Variants in HDAC4 observed in about 807,000 individuals in gnomAD.
HDAC4 encodes histone deacetylase A.
A neutral mutation model predicts 135.1 loss-of-function variants in HDAC4; 16 were observed. That is an observed-to-expected ratio of 0.12 (90% confidence interval 0.08 to 0.18). HDAC4 has a LOEUF of 0.18. Among genes scored for constraint, HDAC4 ranks in the 10% least tolerant of loss-of-function variants. HDAC4 has a pLI of 1.00. For missense variants in HDAC4, 1,143 were observed against 1,511.8 expected (o/e 0.76, Z 4.05); for synonymous variants, 685 against 653.4 (o/e 1.05, Z -0.74).
chr2:239,159,918 A>T (rs551791879), intron 6 of HDAC4, among the ~76,000 whole-genome samples: 1 of 152,402 alleles, frequency 6.6e-6, no homozygotes, highest in South Asian at 2.1e-4. Flanking sequence ...ACCTAAAGGC[A>T]AACCTTGTCT....
intron 12 of HDAC4, among the ~76,000 whole-genome samples, chr2:239,119,197 G>A (rs538308650): frequency 2.6e-5 from 4 of 152,302 alleles, no homozygotes; most frequent in Admixed American, 6.5e-5. Context: ...TCTTGAGAGC[G>A]GGGCCCTTAT....
Position 239,163,847 on chromosome 2 carries a change from C to T in HDAC4, c.567G>A (p.Arg189=), listed in dbSNP as rs141942329. The T allele has an allele frequency of 7.1e-4, 1,148 of 1,614,180 alleles. 3 individuals are homozygous for T. Among genetic ancestry groups the T allele is most frequent in the Non-Finnish European group, 8.2e-4 (968 of 1,180,024 alleles). ...VLNKKKALAH[R]NLNHCISSDP... ...CGCTGGAAATGCAGTGGTTCAGATT[C>T]CGGTGGGCCAGCGCCTTCTTTTTAT... Residue 189 remains arginine, a synonymous_variant, in exon 6 of 27, where the codon CGG becomes CGA. Coordinates refer to ENST00000543185, the MANE Select transcript of HDAC4 (RefSeq NM_001378414.1).
chr2:239,401,319 G>A (rs1327188474), upstream of HDAC4: 1 of 152,540 alleles, frequency 6.6e-6, no homozygotes, highest in African/African-American at 2.4e-5. Context: ...GCGGCAGAGA[G>A]GCTCCACCCC....
In HDAC4 at chr2:239,387,697, G is replaced by A. The variant is rs757447788; in HGVS notation, c.-220+13281C>T. On this transcript the variant is annotated intron_variant, in intron 1 of 26. Transcript: ENST00000543185. Reference sequence around the variant, plus strand: ...GTGGAGAAGAAAACCGAGGCTTAGAGCGGTTGGGTCAATGGCACCAGAGCA... The same window carrying A: ...GTGGAGAAGAAAACCGAGGCTTAGAACGGTTGGGTCAATGGCACCAGAGCA... 6.6e-5 allele frequency among the ~76,000 whole-genome samples: 10 copies of A among 152,366 alleles called. No individual in the cohort carries two copies. In the East Asian group the frequency reaches 1.7e-3, roughly 26 times the overall value.
At position 239,082,179 on chromosome 2, in the gene HDAC4, C is replaced by G; in HGVS notation, c.2575G>C (p.Asp859His). The change falls in exon 21 of 27, where the codon GAC becomes CAC. Residue 859 changes from aspartate (D) to histidine (H), a missense_variant. By Grantham distance (81) the Asp-to-His change is moderately conservative. Coordinates refer to ENST00000543185, the MANE Select transcript of HDAC4 (RefSeq NM_001378414.1). ...AGGGACATGTACAGGACGCTGGGGT[C>G]GCTGTAGAAAGCCTGCTGGGTCCCG... ...GNGTQQAFYS[D>H]PSVLYMSLHR... is the part of the protein sequence containing the mutation. 6.2e-7 allele frequency: 1 copy of G among 1,614,142 alleles called. No homozygotes were observed. Among genetic ancestry groups the G allele is most frequent in the Non-Finnish European group, 8.5e-7 (1 of 1,179,992 alleles).
intron 3 of HDAC4, among the ~76,000 whole-genome samples, chr2:239,230,096 C>T (rs1015014300): frequency 1.3e-5 from 2 of 152,046 alleles, no homozygotes; most frequent in Non-Finnish European, 2.9e-5. Flanking sequence ...TTTTATCAGT[C>T]GTGAGATCGC....
intron 2 of HDAC4, among the ~76,000 whole-genome samples, chr2:239,237,873 C>T (rs890446468): frequency 6.6e-6 from 1 of 152,208 alleles, no homozygotes; most frequent in Non-Finnish European, 1.5e-5. Flanking sequence ...CAACCAGCAG[C>T]TCCTCCCAAG....
intron 4 of HDAC4, among the ~76,000 whole-genome samples, chr2:239,178,547 T>TA (rs1366260995): frequency 9.9e-5 from 15 of 152,088 alleles, no homozygotes; most frequent in African/African-American, 3.4e-4. Flanking sequence ...TGCACCCAGA[T>TA]ACGTTTTCTT....
chr2:239,300,979 G>A (rs1403333271), intron 2 of HDAC4, among the ~76,000 whole-genome samples: 1 of 152,228 alleles, frequency 6.6e-6, no homozygotes, highest in Non-Finnish European at 1.5e-5. Flanking sequence ...CTCTTTTCCT[G>A]GGGCTGCCCG....
chr2:239,144,570 T>G lies in HDAC4; in HGVS notation c.865+13A>C, dbSNP rs1324992542. On this transcript the variant is annotated intron_variant, in intron 8 of 26. Transcript: ENST00000543185. The stretch of plus-strand genomic sequence containing the variant: ...AGGGCAGCGGGGCGGGTGTACCTGC[T>G]CAGCCGACATACCTGTGACATCCAA... 16 of 1,613,072 alleles carry G rather than the reference T, an allele frequency of 9.9e-6. No homozygotes were observed. The highest frequency in any genetic ancestry group is 1.7e-5 in the Admixed American group (1 of 60,012).
At chr2:239,061,524 G>A (rs1022009494) in intron 24 of HDAC4, among the ~76,000 whole-genome samples, 3 of 152,066 alleles carry the variant, frequency 2.0e-5, no homozygotes, top group Non-Finnish European at 4.4e-5. Context: ...GCTTGCGTGG[G>A]TGTGCATGTG....
chr2:239,081,403 T>C (rs1029805920), intron 21 of HDAC4, among the ~76,000 whole-genome samples: 1 of 152,204 alleles, frequency 6.6e-6, no homozygotes, highest in Non-Finnish European at 1.5e-5. Flanking sequence ...AGGGGGCCCT[T>C]TTCCTGGCTG....
intron 2 of HDAC4, among the ~76,000 whole-genome samples, chr2:239,348,894 A>G (rs572883850): frequency 4.6e-5 from 7 of 152,368 alleles, no homozygotes; most frequent in African/African-American, 1.7e-4. Context: ...GCTCTGGCAA[A>G]GTTCAGCGGG....
intron 4 of HDAC4, 73 bp downstream of exon 4, chr2:239,189,760 G>A: frequency 6.9e-7 from 1 of 1,458,332 alleles, no homozygotes; most frequent in Non-Finnish European, 9.4e-7. Context: ...ACTCCGCGGA[G>A]GCAGGGCTGG....
At chr2:239,214,798 A>G (rs916068182) in intron 3 of HDAC4, among the ~76,000 whole-genome samples, 1 of 152,246 alleles carries the variant, frequency 6.6e-6, no homozygotes, top group African/African-American at 2.4e-5. Flanking sequence ...TTCCCTCTGC[A>G]CACACTTTAA....
At chr2:239,311,524 T>C (rs1233749735) in intron 2 of HDAC4, among the ~76,000 whole-genome samples, 1 of 152,100 alleles carries the variant, frequency 6.6e-6, no homozygotes, top group Admixed American at 6.5e-5. Context: ...ATGACAGATT[T>C]ACGATATAAA....
intron 1 of HDAC4, among the ~76,000 whole-genome samples, chr2:239,378,380 G>A (rs1021714024): frequency 6.6e-6 from 1 of 152,200 alleles, no homozygotes; most frequent in African/African-American, 2.4e-5. Flanking sequence ...GAAGGCGTTG[G>A]CCCCGGGGAA....
At chr2:239,334,748 C>T (rs768233074) in intron 2 of HDAC4, among the ~76,000 whole-genome samples, 7 of 152,148 alleles carry the variant, frequency 4.6e-5, no homozygotes, top group African/African-American at 9.6e-5. Context: ...GGAGGCCGGG[C>T]GTGGTGGCTC....
At chr2:239,236,550 C>A in intron 3 of HDAC4, 43 bp downstream of exon 3, 1 of 1,487,806 alleles carries the variant, frequency 6.7e-7, no homozygotes, top group Non-Finnish European at 9.2e-7. Context: ...CTCTTTGGCT[C>A]AGCGCAGGGC....
Sources: gnomAD v4.1 joint callset for allele counts (sites outside exome capture counted in the v4.1 genomes callset) on GRCh38, gnomAD v4.1.1 for gene constraint, MANE v1.5 for transcripts, NCBI Gene and HGNC (gene_info 2026-07-23, HGNC 2026-07-21) for gene names.